The following MYBBP1A variants were observed in gnomAD, a reference collection of about 807,000 sequenced individuals.
MYBBP1A encodes myb-binding protein 1A.
Under a neutral mutation model 136.3 loss-of-function variants are expected in MYBBP1A, and 147 were observed. The observed-to-expected ratio is 1.08, with a 90% CI of 0.94 to 1.24. The LOEUF is 1.24. MYBBP1A is among the 50% of genes most tolerant of loss of function. The probability of loss-of-function intolerance (pLI) is 0.00; values close to 1 mark genes in which losing one functional copy is unlikely to be tolerated. For missense variants in MYBBP1A, 2,060 were observed against 1,727.4 expected, an observed-to-expected ratio of 1.19 and a Z score of -3.41; for synonymous variants, 947 against 735.8, an observed-to-expected ratio of 1.29 and a Z score of -4.65.
At chr17:4,542,188 C>T (rs1228518779) in intron 22 of MYBBP1A, 10 of 585,690 alleles carry the variant, frequency 1.7e-5, no homozygotes, top group Non-Finnish European at 2.7e-5. Flanking sequence ...GCAGACACTA[C>T]CAGGGGCATC....
In MYBBP1A at chr17:4,550,349, G is replaced by A. The variant is rs1597387519; in HGVS notation, c.1028C>T (p.Pro343Leu). ...CTCTGGGGCAAACTTGAACTGCTTT[G>A]GGAGCTGCAAGAGTTAGGCATGGCG... ...YGEHVCTAKL[P>L]KQFKFAPEMD... The change falls in exon 9 of 26, where the codon CCA (proline) becomes CTA (leucine). Residue 343 changes from proline (P) to leucine (L), a missense_variant. By Grantham distance (98) the Pro-to-Leu change is moderately conservative. Coordinates refer to ENST00000254718, the MANE Select transcript of MYBBP1A (RefSeq NM_014520.4). 3.7e-6 allele frequency: 6 copies of A among 1,610,500 alleles called. No homozygotes were observed. The highest frequency in any genetic ancestry group is 5.1e-6 in the Non-Finnish European group (6 of 1,178,486).
At chr17:4,543,856 G>C (rs572577345) in intron 19 of MYBBP1A, among the ~76,000 whole-genome samples, 1 of 151,398 alleles carries the variant, frequency 6.6e-6, no homozygotes, top group African/African-American at 2.4e-5. Flanking sequence ...GCTGCCAGCC[G>C]TTTCTGAAAA....
In MYBBP1A at chr17:4,540,003, C is replaced by A. The variant is rs768070248; in HGVS notation, c.3435-36G>T. 4 of 1,580,548 alleles carry A rather than the reference C, an allele frequency of 2.5e-6. No individual in the cohort carries two copies. The South Asian group carries it at 4.5e-5, about 18-fold the overall frequency. On this transcript the variant is annotated intron_variant, in intron 25 of 25. Transcript: ENST00000254718. ...GTGAGCAAGGTTAGAAGGTGCCCAT[C>A]GAGGGCAGCAGCCACCGCCACCGCG...
Position 4,539,767 on chromosome 17 carries a change from T to C in MYBBP1A, c.3635A>G (p.Lys1212Arg), listed in dbSNP as rs752259605. ...GSQPPSMGRK[K>R]RNRTKAKVPA... ...GACCTTAGCCTTTGTCCTGTTCCTC[T>C]TCTTCCTGCCCATGCTGGGGGGCTG... Residue 1212 changes from lysine (K) to arginine (R), a missense_variant, in exon 26 of 26, where the codon AAG becomes AGG. By Grantham distance (26) the Lys-to-Arg change is conservative (BLOSUM62 2). Coordinates refer to ENST00000254718, the MANE Select transcript of MYBBP1A (RefSeq NM_014520.4). 21 of 1,612,954 alleles carry C rather than the reference T, an allele frequency of 1.3e-5. No homozygotes were observed. Among genetic ancestry groups the C allele is most frequent in the Non-Finnish European group, 1.7e-5 (20 of 1,180,000 alleles).
In MYBBP1A at chr17:4,544,956, C is replaced by T. The variant is rs368527050; in HGVS notation, c.2311-35G>A. On this transcript the variant is annotated intron_variant, in intron 17 of 25. Coordinates refer to ENST00000254718, the MANE Select transcript of MYBBP1A (RefSeq NM_014520.4). The stretch of plus-strand genomic sequence containing the variant: ...AGAGGCCCAGCGGTCAGCCAGGCCT[C>T]GGGCAGGCACACAACATGGGGACAC... The T allele has an allele frequency of 6.4e-5, 100 of 1,573,376 alleles. No homozygotes were observed. In the African/African-American group the frequency reaches 9.4e-4, roughly 15 times the overall value.
Position 4,547,872 on chromosome 17 carries a change from G to A in MYBBP1A, c.1824+86C>T, listed in dbSNP as rs182156658. 321 of 1,184,932 alleles carry A rather than the reference G, an allele frequency of 2.7e-4. 1 individual carries two copies. The African/African-American group carries it at 3.7e-3, about 14-fold the overall frequency. 73.4% of individuals were successfully genotyped at this position (1,184,932 alleles called of 1,614,324 possible). On this transcript the variant is annotated intron_variant, in intron 13 of 25. Transcript: ENST00000254718. ...CCCCCAGAACCTTTCCTGGAAACCCGCACAGCCCTCAAAAGCCTCTCGGTA... is the reference window on the plus strand; with the variant it reads ...CCCCCAGAACCTTTCCTGGAAACCCACACAGCCCTCAAAAGCCTCTCGGTA...
At position 4,539,157 on chromosome 17, in the gene MYBBP1A, C is replaced by T; in HGVS notation, c.*258G>A. On this transcript the variant is annotated 3_prime_UTR_variant, in exon 26 of 26. Coordinates refer to ENST00000254718, the MANE Select transcript of MYBBP1A (RefSeq NM_014520.4). ...GCACCAACCCAGGCAAACACCAGAG[C>T]CCTGGACATGGCCCTGGAGCCAGGG... is the stretch of plus-strand genomic sequence containing the variant. 1 of 1,466,748 alleles carries T rather than the reference C, an allele frequency of 6.8e-7. No individual in the cohort carries two copies. Among genetic ancestry groups the T allele is most frequent in the Non-Finnish European group, 8.9e-7 (1 of 1,119,146 alleles). The allele number at this position is 1,466,748 out of a possible 1,614,324, so 90.9% of individuals were successfully genotyped here.
At position 4,547,955 on chromosome 17, in the gene MYBBP1A, T is replaced by A. The variant is rs887979763; in HGVS notation, c.1824+3A>T. The A allele has an allele frequency of 2.7e-6, 4 of 1,494,520 alleles. No individual in the cohort carries two copies. In the African/African-American group the frequency reaches 4.2e-5, roughly 16 times the overall value. The allele number at this position is 1,494,520 out of a possible 1,614,324, so 92.6% of individuals were successfully genotyped here. ...ACAGCCCCTCCCTCCCAGGCCCCAG[T>A]ACCTTGAGGAGGTGGATGCCCACGA... is the stretch of plus-strand genomic sequence containing the variant. On this transcript the variant is annotated splice_donor_region_variant and intron_variant, in intron 13 of 25. Transcript: ENST00000254718.
rs372063273 is a variant in MYBBP1A, at chr17:4,552,301, G to A, written c.738-9C>T. 3.7e-5 allele frequency: 59 copies of A among 1,613,684 alleles called. No individual in the cohort carries two copies. In the African/African-American group the frequency reaches 5.5e-4, roughly 15 times the overall value. On this transcript the variant is annotated splice_polypyrimidine_tract_variant and intron_variant, in intron 6 of 25. Coordinates refer to ENST00000254718, the MANE Select transcript of MYBBP1A (RefSeq NM_014520.4). This position sits in a 1 kb window ranked among gnomAD's most constrained non-coding sequence, Gnocchi z 4.7. The stretch of plus-strand genomic sequence containing the variant: ...TCAGCACATTCACCAGCCTGCGGAG[G>A]GCAAGGGACTCAGGGAACACTTGCC...
intron 20 of MYBBP1A, 55 bp from the exon 21 acceptor site, chr17:4,542,796 G>C: frequency 6.2e-7 from 1 of 1,605,420 alleles, no homozygotes; most frequent in Non-Finnish European, 8.5e-7. Flanking sequence ...CCTGGGATGG[G>C]AGCAGAGCCT....
In MYBBP1A at chr17:4,543,102, G is replaced by A. The variant is rs199975055; in HGVS notation, c.2703C>T (p.His901=). Residue 901 remains histidine, a synonymous_variant, in exon 20 of 26, where the codon CAC becomes CAT. Transcript: ENST00000254718. ...GCTGCACCAACCGCTCCACCTGGGC[G>A]TGCAGGGCCCCTGCGCGCTCACCCA... ...HDLGERAGAL[H]AQVERLVQQA... 2.5e-5 allele frequency: 40 copies of A among 1,612,922 alleles called. No homozygotes were observed. Among genetic ancestry groups the A allele is most frequent in the East Asian group, 1.1e-4 (5 of 44,876 alleles).
Position 4,548,280 on chromosome 17 carries a change from C to A in MYBBP1A, c.1587G>T (p.Lys529Asn). The change falls in exon 12 of 26, where the codon AAG becomes AAT. Residue 529 changes from lysine to asparagine, a missense_variant. Transcript: ENST00000254718. This position sits in a 1 kb window ranked among gnomAD's most constrained non-coding sequence, Gnocchi z 4.2. The part of the protein sequence containing the change: ...SLLQTLSTQF[K>N]QAPGQTQGGQ... ...CACCCTGGGTCTGGCCCGGTGCCTG[C>A]TTGAACTGCGTGCTGAGGGTCTGCA... 1 of 1,612,626 alleles carries A rather than the reference C, an allele frequency of 6.2e-7. No homozygotes were observed. Among genetic ancestry groups the A allele is most frequent in the South Asian group, 1.1e-5 (1 of 91,084 alleles).
chr17:4,553,470 G>T lies in MYBBP1A; in HGVS notation c.561+340C>A, dbSNP rs577919527. On this transcript the variant is annotated intron_variant, in intron 5 of 25. Coordinates refer to ENST00000254718, the MANE Select transcript of MYBBP1A (RefSeq NM_014520.4). ...CCACAGCCACACAGGGCTGCTGAGC[G>T]CCTGAAAGGTGGCTAATCTGAACAG... is the stretch of plus-strand genomic sequence containing the variant. Among the ~76,000 whole-genome samples, 9 of 152,338 alleles carry T rather than the reference G, an allele frequency of 5.9e-5. No individual in the cohort carries two copies. The East Asian group carries it at 7.7e-4, about 13-fold the overall frequency.
rs776463304 is a variant in MYBBP1A at position 4,538,973 on chromosome 17, A to T, written c.*442T>A. 2.5e-6 allele frequency: 2 copies of T among 790,752 alleles called. No individual in the cohort carries two copies. Among genetic ancestry groups the T allele is most frequent in the South Asian group, 2.7e-5 (2 of 74,774 alleles). The allele number at this position is 790,752 out of a possible 1,614,324, so 49.0% of individuals were successfully genotyped here. A position where few individuals can be genotyped will look rare whatever the true frequency, so the allele number is the denominator to read the frequency against. On this transcript the variant is annotated 3_prime_UTR_variant, in exon 26 of 26. Coordinates refer to ENST00000254718, the MANE Select transcript of MYBBP1A (RefSeq NM_014520.4). The stretch of plus-strand genomic sequence containing the variant: ...TAGAGCTGCTGATTGTGAATCTCAG[A>T]GTCTTAAGAGAGAAGCCAAATATAT...
At position 4,540,440 on chromosome 17, in the gene MYBBP1A, C is replaced by T. The variant is rs1233662280; in HGVS notation, c.3342G>A (p.Gly1114=). 6.2e-7 allele frequency: 1 copy of T among 1,610,988 alleles called. No homozygotes were observed. Among genetic ancestry groups the T allele is most frequent in the Non-Finnish European group, 8.5e-7 (1 of 1,179,662 alleles). ...CCCCCTGCTGTAGGCTCTGCTGTTGCCCCTGCAGCACACCCAGGAGCACCG... is the reference window on the plus strand; with the variant it reads ...CCCCCTGCTGTAGGCTCTGCTGTTGTCCCTGCAGCACACCCAGGAGCACCG... ...DLTVLLGVLQ[G]QQQSLQQGAH... is the part of the protein sequence containing the mutation. Residue 1114 remains glycine (G), a synonymous_variant, in exon 25 of 26, where the codon GGG becomes GGA. Transcript: ENST00000254718.
intron 3 of MYBBP1A, 31 bp from the exon 4 acceptor site, chr17:4,554,124 G>A: frequency 6.2e-7 from 1 of 1,613,624 alleles, no homozygotes; most frequent in Non-Finnish European, 8.5e-7. Flanking sequence ...CAGGCATGAG[G>A]GGCCCTGGAA....
chr17:4,543,253 A>G (rs1906640019), intron 19 of MYBBP1A, 88 bp from the exon 20 acceptor site: 2 of 1,469,758 alleles, frequency 1.4e-6, no homozygotes, highest in African/African-American at 2.8e-5. Flanking sequence ...CCACTTTATA[A>G]GTGGGGAAAC....
intron 13 of MYBBP1A, among the ~76,000 whole-genome samples, chr17:4,546,756 C>T (rs1366496689): frequency 6.6e-6 from 1 of 152,182 alleles, no homozygotes. Context: ...ACTGTGTGAT[C>T]TTTGGTACCT....
Position 4,550,059 on chromosome 17 carries a change from T to C in MYBBP1A, c.1318A>G (p.Met440Val). 1 of 1,610,170 alleles carries C rather than the reference T, an allele frequency of 6.2e-7. No individual in the cohort carries two copies. Among genetic ancestry groups the C allele is most frequent in the Non-Finnish European group, 8.5e-7 (1 of 1,177,292 alleles). Reference protein sequence around the residue: ...QKKAQDSSLHMPERAVFRLRK... With the variant: ...QKKAQDSSLHVPERAVFRLRK... ...TGTCCTCCCCCAAGGTCCACTCACATGTGGAGCGATGAATCCTGGGCTTTC... is the reference window on the plus strand; with the variant it reads ...TGTCCTCCCCCAAGGTCCACTCACACGTGGAGCGATGAATCCTGGGCTTTC... The change falls in exon 9 of 26, where the codon ATG becomes GTG. Residue 440 changes from methionine to valine, a missense_variant and splice_region_variant. By Grantham distance (21) the Met-to-Val change is conservative. Coordinates refer to ENST00000254718, the MANE Select transcript of MYBBP1A (RefSeq NM_014520.4).
Sources: gnomAD v4.1 joint callset for allele counts (sites outside exome capture counted in the v4.1 genomes callset) on GRCh38, gnomAD v4.1.1 for gene constraint, Gnocchi (gnomAD v3.1) non-coding constraint, MANE v1.5 for transcripts, NCBI Gene and HGNC (gene_info 2026-07-23, HGNC 2026-07-21) for gene names.